Variants in CASTOR2 observed in about 807,000 individuals in gnomAD.
The protein encoded by CASTOR2 is cytosolic arginine sensor for mTORC1 subunit 2, also known as GATS protein like 2.
In CASTOR2, 8 loss-of-function variants were observed where a neutral mutation model predicts 31.2. The observed-to-expected ratio is 0.26, with a 90% CI of 0.15 to 0.46. The LOEUF (loss-of-function observed/expected upper bound fraction) is 0.46. Ranked by LOEUF, CASTOR2 falls within the 20% of genes least tolerant of loss-of-function variation. The pLI, the probability that CASTOR2 is intolerant of heterozygous loss-of-function variation, is 0.99. For missense variants in CASTOR2, 216 were observed against 382.1 expected, an observed-to-expected ratio of 0.57 and a Z score of 3.62; for synonymous variants, 162 against 158.7, an observed-to-expected ratio of 1.02 and a Z score of -0.16.
chr7:74,990,621 A>G (rs1227424377), intron 1 of CASTOR2, among the ~76,000 whole-genome samples: 1 of 152,096 alleles, frequency 6.6e-6, no homozygotes, highest in Non-Finnish European at 1.5e-5. Context: ...TTGGGAGGCC[A>G]AGGCGGGTGG....
chr7:75,013,268 T>C (rs782783092), intron 2 of CASTOR2, among the ~76,000 whole-genome samples: 24 of 152,230 alleles, frequency 1.6e-4, no homozygotes, highest in Non-Finnish European at 2.8e-4. Context: ...GTTCAGTGGA[T>C]GCTGGGTCTT....
chr7:75,016,486 C>CT (rs1804866649), intron 2 of CASTOR2, among the ~76,000 whole-genome samples: 1 of 152,178 alleles, frequency 6.6e-6, no homozygotes, highest in East Asian at 1.9e-4. Flanking sequence ...CAGGGGCCCT[C>CT]CTGGAGTTGC....
In CASTOR2 at chr7:75,026,781, T is replaced by A. The variant is rs1330725023; in HGVS notation, c.*2082T>A. Among the ~76,000 whole-genome samples the A allele has an allele frequency of 6.6e-6, 1 of 152,142 alleles. No individual in the cohort carries two copies. Among genetic ancestry groups the A allele is most frequent in the African/African-American group, 2.4e-5 (1 of 41,432 alleles). ...GCTGTGGTGGAAGCCCTGAGTCCCC[T>A]TTCTGACCTTGCAAGGCCTTGATTT... On this transcript the variant is annotated 3_prime_UTR_variant, in exon 9 of 9. Coordinates refer to ENST00000616305, the MANE Select transcript of CASTOR2 (RefSeq NM_001145064.3).
At chr7:74,982,383 C>T (rs79113585) in intron 1 of CASTOR2, among the ~76,000 whole-genome samples, 1 of 151,710 alleles carries the variant, frequency 6.6e-6, no homozygotes, top group Admixed American at 6.6e-5. Context: ...CCCAGCCACC[C>T]AGGGCTTGGC....
intron 1 of CASTOR2, among the ~76,000 whole-genome samples, chr7:75,007,069 A>G (rs1554438846): frequency 0.011 from 1,600 of 152,240 alleles, 36 homozygotes; most frequent in African/African-American, 0.036. Context: ...GGAACACCAG[A>G]TAAGTGGCCA....
chr7:75,001,271 T>G (rs1304277476), intron 1 of CASTOR2, among the ~76,000 whole-genome samples: 1 of 151,770 alleles, frequency 6.6e-6, no homozygotes, highest in Non-Finnish European at 1.5e-5. Flanking sequence ...AGAGATGGAG[T>G]CTTACCATGT....
rs2131965482 is a variant in CASTOR2 at position 75,030,595 on chromosome 7, G to A, written c.*5896G>A. ...ATGCACTTCTAAGTGAGGCCTGGCT[G>A]TAGGCAGGAGGCCTCAGTCCTTCCC... On this transcript the variant is annotated 3_prime_UTR_variant, in exon 9 of 9. Transcript: ENST00000616305. Among the ~76,000 whole-genome samples the A allele has an allele frequency of 6.6e-6, 1 of 152,322 alleles. No individual in the cohort carries two copies. The highest frequency in any genetic ancestry group is 6.5e-5 in the Admixed American group (1 of 15,302).
intron 5 of CASTOR2, 97 bp downstream of exon 5, chr7:75,019,192 AG>A (rs1277623899): frequency 1.9e-6 from 3 of 1,542,998 alleles, no homozygotes; most frequent in Non-Finnish European, 2.6e-6. Flanking sequence ...CTTTGCTAGG[AG>A]CTCATCTGAG....
chr7:75,009,812 G>A (rs1447994541), intron 2 of CASTOR2, among the ~76,000 whole-genome samples: 3 of 151,474 alleles, frequency 2.0e-5, no homozygotes, highest in Non-Finnish European at 4.4e-5. Context: ...CCATGTGGCT[G>A]CACACACATG....
chr7:74,972,498 A>C (rs1554435176), intron 1 of CASTOR2, among the ~76,000 whole-genome samples: 1 of 150,774 alleles, frequency 6.6e-6, no homozygotes, highest in African/African-American at 2.4e-5. Context: ...GATTGGCAAA[A>C]ACTACACAGG....
intron 1 of CASTOR2, among the ~76,000 whole-genome samples, chr7:74,990,356 C>T (rs1387238373): frequency 9.9e-5 from 15 of 150,760 alleles, no homozygotes; most frequent in Non-Finnish European, 7.4e-5. Context: ...CCACTGCACT[C>T]CAGCCTGGAT....
chr7:75,027,906 T>A lies in CASTOR2; in HGVS notation c.*3207T>A, dbSNP rs1805183030. 1 of 1,052,054 alleles carries A rather than the reference T, an allele frequency of 9.5e-7. No individual in the cohort carries two copies. Among genetic ancestry groups the A allele is most frequent in the African/African-American group, 1.6e-5 (1 of 63,364 alleles). The allele number at this position is 1,052,054 out of a possible 1,614,324, so 65.2% of individuals were successfully genotyped here. Reference sequence around the variant, plus strand: ...CCCTTGTCCCCCAGCTATCTCCTGGTCTGCTGGGTGGGAGGGTCTCTCCAG... The same window carrying A: ...CCCTTGTCCCCCAGCTATCTCCTGGACTGCTGGGTGGGAGGGTCTCTCCAG... On this transcript the variant is annotated 3_prime_UTR_variant, in exon 9 of 9. Transcript: ENST00000616305.
intron 1 of CASTOR2, among the ~76,000 whole-genome samples, chr7:74,986,763 T>C (rs1350683570): frequency 1.3e-5 from 2 of 152,178 alleles, no homozygotes; most frequent in Non-Finnish European, 2.9e-5. Context: ...ACAAATGGTT[T>C]GGCCAGGTGC....
chr7:74,986,250 G>A (rs1464870872), intron 1 of CASTOR2, among the ~76,000 whole-genome samples: 3 of 78,178 alleles, frequency 3.8e-5, no homozygotes, highest in African/African-American at 5.7e-5. Context: ...TTTAGAACAT[G>A]CCTGTGGGGG....
chr7:75,022,945 G>A (rs1355439027), intron 7 of CASTOR2, among the ~76,000 whole-genome samples: 1 of 152,170 alleles, frequency 6.6e-6, no homozygotes, highest in Non-Finnish European at 1.5e-5. Context: ...GTAAATACAT[G>A]TAATTGTCAC....
chr7:75,014,948 G>A (rs1404499839), intron 2 of CASTOR2, among the ~76,000 whole-genome samples: 220 of 152,354 alleles, frequency 1.4e-3, no homozygotes, highest in African/African-American at 4.5e-3. Flanking sequence ...CTCGGAGCCC[G>A]AAGCCTGCGG....
intron 1 of CASTOR2, among the ~76,000 whole-genome samples, chr7:75,000,955 A>G (rs1172676635): frequency 1.2e-4 from 18 of 151,854 alleles, no homozygotes; most frequent in African/African-American, 3.9e-4. Context: ...GATCCACCGC[A>G]CCCGGCAGGC....
intron 1 of CASTOR2, among the ~76,000 whole-genome samples, chr7:75,003,266 G>A (rs1804536729): frequency 6.6e-6 from 1 of 152,160 alleles, no homozygotes; most frequent in Admixed American, 6.5e-5. Context: ...GGGCAACATA[G>A]TGAGACCCTG....
rs1457791437 is a variant in CASTOR2, at chr7:74,980,613, C to T, written c.113+15515C>T. On this transcript the variant is annotated intron_variant, in intron 1 of 8. Coordinates refer to ENST00000616305, the MANE Select transcript of CASTOR2 (RefSeq NM_001145064.3). Reference sequence around the variant, plus strand: ...GCCCTCTACTTGATGCAAGCCTCGGCGAGGTGGCAGTGGTGGCCTCTGTCC... The same window carrying T: ...GCCCTCTACTTGATGCAAGCCTCGGTGAGGTGGCAGTGGTGGCCTCTGTCC... Among the ~76,000 whole-genome samples the T allele has an allele frequency of 3.7e-5, 5 of 136,556 alleles. 1 individual carries two copies. Among genetic ancestry groups the T allele is most frequent in the African/African-American group, 6.9e-5 (2 of 28,974 alleles). The allele number at this position is 136,556 out of a possible 152,430, so 89.6% of individuals were successfully genotyped here.
Sources: allele counts gnomAD v4.1 joint callset (sites outside exome capture counted in the v4.1 genomes callset), GRCh38; gene constraint gnomAD v4.1.1; transcripts MANE v1.5; gene names NCBI Gene and HGNC (gene_info 2026-07-23, HGNC 2026-07-21).